CILP2: variants seen among roughly 807,000 people sequenced by gnomAD.
The protein encoded by CILP2 is cartilage intermediate layer protein 2.
In CILP2, 38 loss-of-function variants were observed where a neutral mutation model predicts 45.6. The ratio of observed to expected loss-of-function variants is 0.83; its 90% CI spans 0.64 to 1.09. CILP2 has a LOEUF of 1.09. Among genes scored for constraint, CILP2 ranks in the 50% least tolerant of loss-of-function variants. The probability of loss-of-function intolerance (pLI) is 0.00; values close to 1 mark genes in which losing one functional copy is unlikely to be tolerated. For synonymous variants in CILP2, 780 were observed against 723.5 expected (o/e 1.08, Z -1.25); for missense variants, 1,735 against 1,662.2 (o/e 1.04, Z -0.76).
Position 19,544,263 on chromosome 19 carries a change from G to A in CILP2, c.1718G>A (p.Gly573Asp). 6.2e-7 allele frequency: 1 copy of A among 1,613,656 alleles called. No homozygotes were observed. The highest frequency in any genetic ancestry group is 8.5e-7 in the Non-Finnish European group (1 of 1,180,002). ...HTSQSNTIPL[G>D]ELEDEAPLGE... The stretch of plus-strand genomic sequence containing the variant: ...AGCCAGAGCAACACGATCCCCCTGG[G>A]CGAGCTGGAAGATGAGGCGCCCCTG... Residue 573 changes from glycine to aspartate, a missense_variant, in exon 8 of 8, where the codon GGC (glycine) becomes GAC (aspartate). By Grantham distance (94) the Gly-to-Asp change is moderately conservative. Coordinates refer to ENST00000291495, the MANE Select transcript of CILP2 (RefSeq NM_153221.2).
intron 3 of CILP2, 187 bp from the exon 4 acceptor site, chr19:19,540,904 A>C: frequency 4.1e-6 from 2 of 484,888 alleles, no homozygotes; most frequent in South Asian, 1.0e-4. Context: ...TACCTAAACT[A>C]TGTCTTCGAC....
In CILP2 at chr19:19,543,842, G is replaced by A. The variant is rs763260229; in HGVS notation, c.1297G>A (p.Ala433Thr). 6.8e-6 allele frequency: 11 copies of A among 1,613,648 alleles called. No individual in the cohort carries two copies. The highest frequency in any genetic ancestry group is 4.4e-5 in the South Asian group (4 of 91,080). ...LAGSSPRCGD[A>T]SSRCCSVRRL... ...AGGCTCCAGCCCCCGCTGCGGGGAC[G>A]CCAGCTCCCGCTGCTGCTCTGTGCG... Residue 433 changes from alanine (A) to threonine (T), a missense_variant, in exon 8 of 8, where the codon GCC becomes ACC. Physicochemically the swap from Ala to Thr is moderately conservative, Grantham distance 58 (BLOSUM62 0). Transcript: ENST00000291495.
chr19:19,546,061 G>C lies in CILP2; in HGVS notation c.*45G>C. ...TTCCCACCTCCCTCCAGACTCCTTT[G>C]ACCCCAGGAAGTTTTGCCCCTCCTT... On this transcript the variant is annotated 3_prime_UTR_variant, in exon 8 of 8. Transcript: ENST00000291495. 3.6e-6 allele frequency: 5 copies of C among 1,382,650 alleles called. No homozygotes were observed. Among genetic ancestry groups the C allele is most frequent in the Non-Finnish European group, 4.7e-6 (5 of 1,069,006 alleles). The allele number at this position is 1,382,650 out of a possible 1,614,324, so 85.6% of individuals were successfully genotyped here. A position where few individuals can be genotyped will look rare whatever the true frequency, so the allele number is the denominator to read the frequency against.
At chr19:19,539,579 A>AG (rs1568368527) in intron 1 of CILP2, 100 bp from the exon 2 acceptor site, 190 of 652,924 alleles carry the variant, frequency 2.9e-4, no homozygotes, top group African/African-American at 2.9e-3. Context: ...AAAAAAAAAA[A>AG]AGGGGGGGGA....
rs759033518 is a variant in CILP2, at chr19:19,538,420, C to G, written c.64+7C>G. ...CACCTGGCGGGGGCCCGAGGTGAGG[C>G]GCCTCCAGCCCCCGCGCCCAGCCCC... On this transcript the variant is annotated splice_region_variant and intron_variant, in intron 1 of 7. Transcript: ENST00000291495. The G allele has an allele frequency of 1.3e-6, 2 of 1,532,802 alleles. No homozygotes were observed. The highest frequency in any genetic ancestry group is 2.4e-5 in the South Asian group (2 of 84,168). 95.0% of individuals were successfully genotyped at this position (1,532,802 alleles called of 1,614,324 possible). A position where few individuals can be genotyped will look rare whatever the true frequency, so the allele number is the denominator to read the frequency against.
chr19:19,544,406 GC>G lies in CILP2; in HGVS notation c.1866del (p.Ser623ValfsTer62). 1 of 1,610,452 alleles carries G rather than the reference GC, an allele frequency of 6.2e-7. No homozygotes were observed. On this transcript the variant is annotated frameshift_variant, in exon 8 of 8. Transcript: ENST00000291495. LOFTEE classifies it low-confidence loss of function (END_TRUNC). Reference protein sequence around the residue: ...DPRDLTSAASAPSDLRFVDSD... With the variant: ...DPRDLTSAASXPSDLRFVDSD... Reference sequence around the variant, plus strand: ...CCGAGACCTCACCTCGGCGGCGTCTGCCCCCAGTGACCTGCGCTTCGTGGAC... The same window carrying G: ...CCGAGACCTCACCTCGGCGGCGTCTGCCCCAGTGACCTGCGCTTCGTGGAC...
chr19:19,538,422 C>T lies in CILP2; in HGVS notation c.64+9C>T, dbSNP rs1199225933. The T allele has an allele frequency of 6.5e-7, 1 of 1,528,236 alleles. No homozygotes were observed. The highest frequency in any genetic ancestry group is 1.9e-4 in the Middle Eastern group (1 of 5,292). The allele number at this position is 1,528,236 out of a possible 1,614,324, so 94.7% of individuals were successfully genotyped here. On this transcript the variant is annotated intron_variant, in intron 1 of 7. Transcript: ENST00000291495. ...CCTGGCGGGGGCCCGAGGTGAGGCG[C>T]CTCCAGCCCCCGCGCCCAGCCCCTG... is the stretch of plus-strand genomic sequence containing the variant.
At chr19:19,542,258 A>G in intron 4 of CILP2, 117 bp from the exon 5 acceptor site, 1 of 1,151,150 alleles carries the variant, frequency 8.7e-7, no homozygotes, top group Non-Finnish European at 1.2e-6. Context: ...GGCCTCTGAG[A>G]GGCACCTTAT....
In CILP2 at chr19:19,544,386, A is replaced by T; in HGVS notation, c.1841A>T (p.Asp614Val). 1 of 1,609,580 alleles carries T rather than the reference A, an allele frequency of 6.2e-7. No individual in the cohort carries two copies. Among genetic ancestry groups the T allele is most frequent in the South Asian group, 1.1e-5 (1 of 90,938 alleles). ...CGGGTGACGTTCGTGGACCCCCGAGACCTCACCTCGGCGGCGTCTGCCCCC... is the reference window on the plus strand; with the variant it reads ...CGGGTGACGTTCGTGGACCCCCGAGTCCTCACCTCGGCGGCGTCTGCCCCC... ...EARVTFVDPR[D>V]LTSAASAPSD... Residue 614 changes from aspartate (D) to valine (V), a missense_variant, in exon 8 of 8, where the codon GAC (aspartate) becomes GTC (valine). Physicochemically the swap from Asp to Val is radical, Grantham distance 152. Transcript: ENST00000291495.
At chr19:19,540,539 A>G in intron 3 of CILP2, 63 bp downstream of exon 3, 1 of 1,098,632 alleles carries the variant, frequency 9.1e-7, no homozygotes. Flanking sequence ...GAACGCCGGG[A>G]AGAGTCGTGG....
rs547357955 is a variant in CILP2, at chr19:19,540,016, C to T, written c.164-188C>T. ...ATGGACCAGGTCAGGCCCTGGGCGG[C>T]AGAACTGGGGTCGCGGGGAACCCAG... On this transcript the variant is annotated intron_variant, in intron 2 of 7. Transcript: ENST00000291495. Among the ~76,000 whole-genome samples, 68 of 152,356 alleles carry T rather than the reference C, an allele frequency of 4.5e-4. 1 individual carries two copies. The highest frequency in any genetic ancestry group is 1.5e-3 in the African/African-American group (63 of 41,598).
In CILP2 at chr19:19,544,330, C is replaced by G; in HGVS notation, c.1785C>G (p.Asp595Glu). 2 of 1,612,070 alleles carry G rather than the reference C, an allele frequency of 1.2e-6. No homozygotes were observed. The highest frequency in any genetic ancestry group is 1.7e-6 in the Non-Finnish European group (2 of 1,179,874). Residue 595 changes from aspartate to glutamate, a missense_variant, in exon 8 of 8, where the codon GAC (aspartate) becomes GAG (glutamate). By Grantham distance (45) the Asp-to-Glu change is conservative (BLOSUM62 2). Transcript: ENST00000291495. The stretch of plus-strand genomic sequence containing the variant: ...CTTCTGGCGCTTTCCGCAGAGCCGA[C>G]GGCAAACCCTACTCGGGGCCTGTGG... ...VLPSGAFRRADGKPYSGPVEA... is the reference protein window; with the variant it reads ...VLPSGAFRRAEGKPYSGPVEA...
chr19:19,538,946 A>C (rs568498727), intron 1 of CILP2, among the ~76,000 whole-genome samples: 52 of 152,358 alleles, frequency 3.4e-4, no homozygotes, highest in African/African-American at 1.0e-3. Flanking sequence ...ACTGTAGTAC[A>C]GGGATGGAAG....
At position 19,544,849 on chromosome 19, in the gene CILP2, C is replaced by T. The variant is rs759410605; in HGVS notation, c.2304C>T (p.Ala768=). 2.5e-6 allele frequency: 4 copies of T among 1,598,404 alleles called. No individual in the cohort carries two copies. The highest frequency in any genetic ancestry group is 1.7e-4 in the Middle Eastern group (1 of 6,050). Residue 768 remains alanine, a synonymous_variant, in exon 8 of 8, where the codon GCC becomes GCT. Coordinates refer to ENST00000291495, the MANE Select transcript of CILP2 (RefSeq NM_153221.2). ...TCACGCTGGTCAATCTGGAGCCCGC[C>T]CCCGGCTTCTCCGCCAACCCCCGTG... ...VVVTLVNLEP[A]PGFSANPRAW...
At chr19:19,540,557 G>T in intron 3 of CILP2, 81 bp downstream of exon 3, 1 of 1,192,196 alleles carries the variant, frequency 8.4e-7, no homozygotes, top group Non-Finnish European at 1.1e-6. Context: ...TGGTGGGTGG[G>T]GCTGGGAGGG....
chr19:19,544,256 C>G lies in CILP2; in HGVS notation c.1711C>G (p.Pro571Ala). 6.2e-7 allele frequency: 1 copy of G among 1,613,796 alleles called. No individual in the cohort carries two copies. Among genetic ancestry groups the G allele is most frequent in the Non-Finnish European group, 8.5e-7 (1 of 1,180,012 alleles). Reference protein sequence around the residue: ...ILHTSQSNTIPLGELEDEAPL... With the variant: ...ILHTSQSNTIALGELEDEAPL... ...ACATACCAGCCAGAGCAACACGATC[C>G]CCCTGGGCGAGCTGGAAGATGAGGC... Residue 571 changes from proline (P) to alanine (A), a missense_variant, in exon 8 of 8, where the codon CCC becomes GCC. Coordinates refer to ENST00000291495, the MANE Select transcript of CILP2 (RefSeq NM_153221.2).
At position 19,543,830 on chromosome 19, in the gene CILP2, C is replaced by A. The variant is rs376026094; in HGVS notation, c.1285C>A (p.Arg429Ser). The change falls in exon 8 of 8, where the codon CGC (arginine) becomes AGC (serine). Residue 429 changes from arginine (R) to serine (S), a missense_variant. Transcript: ENST00000291495. ...RCPSLAGSSP[R>S]CGDASSRCCS... ...CCCCAGCCTGGCAGGCTCCAGCCCC[C>A]GCTGCGGGGACGCCAGCTCCCGCTG... 2.9e-5 allele frequency: 47 copies of A among 1,613,666 alleles called. No homozygotes were observed. Among genetic ancestry groups the A allele is most frequent in the Non-Finnish European group, 3.7e-5 (44 of 1,179,894 alleles).
In CILP2 at chr19:19,543,540, T is replaced by C. The variant is rs552158329; in HGVS notation, c.1135+135T>C. The C allele has an allele frequency of 2.3e-5, 31 of 1,352,398 alleles. No homozygotes were observed. In the South Asian group the frequency reaches 4.0e-4, roughly 18 times the overall value. 83.8% of individuals were successfully genotyped at this position (1,352,398 alleles called of 1,614,324 possible). The stretch of plus-strand genomic sequence containing the variant: ...GGCCTCCACTGAGCCCCCATACCAC[T>C]CTGAGCACCAACCTTCAGTCCTTAC... On this transcript the variant is annotated intron_variant, in intron 7 of 7. Transcript: ENST00000291495.
chr19:19,541,227 C>A lies in CILP2; in HGVS notation c.573C>A (p.Cys191Ter). ...CPGRPLEAQK[C>*]VRPRCPGCSL... ...GGCGTCCTCTGGAGGCGCAGAAGTG[C>A]GTGCGGCCTCGGTGTCCAGGTAGGA... The change falls in exon 4 of 8, where the codon TGC (cysteine) becomes TGA (stop). Residue 191 changes from cysteine (C) to a stop codon, truncating the protein, a stop_gained. Coordinates refer to ENST00000291495, the MANE Select transcript of CILP2 (RefSeq NM_153221.2). LOFTEE classifies it high-confidence loss of function. 1.6e-6 allele frequency: 2 copies of A among 1,283,750 alleles called. No homozygotes were observed. The highest frequency in any genetic ancestry group is 5.8e-5 in the East Asian group (2 of 34,608). 79.5% of individuals were successfully genotyped at this position (1,283,750 alleles called of 1,614,324 possible).
Sources: allele counts gnomAD v4.1 joint callset (sites outside exome capture counted in the v4.1 genomes callset), GRCh38; gene constraint gnomAD v4.1.1; transcripts MANE v1.5; gene names NCBI Gene and HGNC (gene_info 2026-07-23, HGNC 2026-07-21).